ATAD3B: variants seen among roughly 807,000 people sequenced by gnomAD.
ATAD3B encodes ATPase family AAA domain containing 3B.
In ATAD3B, 59 loss-of-function variants were observed where a neutral mutation model predicts 70.2. That is an observed-to-expected ratio of 0.84 (90% CI 0.68 to 1.04). ATAD3B has a LOEUF of 1.04. Among genes scored for constraint, ATAD3B ranks in the 50% least tolerant of loss-of-function variants. ATAD3B has a pLI of 0.00. For synonymous variants in ATAD3B, 423 were observed against 388.6 expected (o/e 1.09, Z -1.04); for missense variants, 961 against 913.4 (o/e 1.05, Z -0.67).
chr1:1,486,367 G>T (rs1290760022), intron 10 of ATAD3B, 132 bp downstream of exon 10: 17 of 1,580,538 alleles, frequency 1.1e-5, no homozygotes, highest in African/African-American at 1.4e-5. Context: ...TAGGCTCAGG[G>T]TGCTGGTGTG....
chr1:1,490,706 AC>A (rs927140788), intron 15 of ATAD3B, 35 bp downstream of exon 15: 1 of 1,546,818 alleles, frequency 6.5e-7, no homozygotes, highest in African/African-American at 1.4e-5. Flanking sequence ...CCCAGACGGG[AC>A]CCCAGCTGCT....
intron 8 of ATAD3B, 138 bp downstream of exon 8, chr1:1,485,309 G>T: frequency 2.1e-6 from 3 of 1,418,872 alleles, no homozygotes; most frequent in African/African-American, 1.4e-5. Flanking sequence ...TTCACGGGTG[G>T]GTTTTCCTGT....
the ATAD3B span, among the ~76,000 whole-genome samples, chr1:1,507,076 C>T: frequency 5.5e-3 from 840 of 152,238 alleles, 5 homozygotes; most frequent in Middle Eastern, 0.01. Context: ...CGTGAGCCAC[C>T]GCCCGCGCCC....
chr1:1,497,771 C>G lies in ATAD3B; in HGVS notation c.*1954C>G, dbSNP rs1640838097. ...ATCCCAGCTACTCGGGAGGCTGAGG[C>G]AGGAGACTCGCTTGGACCTGGGAGG... On this transcript the variant is annotated 3_prime_UTR_variant, in exon 16 of 16. Transcript: ENST00000673477. The G allele has an allele frequency of 6.7e-6, 1 of 149,098 alleles. No individual in the cohort carries two copies. The highest frequency in any genetic ancestry group is 2.0e-4 in the East Asian group (1 of 5,046). The allele number at this position is 149,098 out of a possible 1,614,324, so 9.2% of individuals were successfully genotyped here.
In ATAD3B at chr1:1,490,615, C is replaced by G. The variant is rs765627363; in HGVS notation, c.1558C>G (p.Arg520Gly). Reference protein sequence around the residue: ...DYGRKCSEVARLTEGMSGREI... With the variant: ...DYGRKCSEVAGLTEGMSGREI... ...CGGGAGGAAGTGCTCGGAGGTCGCTCGGCTGACGGAGGGCATGTCGGGCCG... is the reference window on the plus strand; with the variant it reads ...CGGGAGGAAGTGCTCGGAGGTCGCTGGGCTGACGGAGGGCATGTCGGGCCG... The change falls in exon 15 of 16, where the codon CGG (arginine) becomes GGG (glycine). Residue 520 changes from arginine (R) to glycine (G), a missense_variant. By Grantham distance (125) the Arg-to-Gly change is moderately radical. Coordinates refer to ENST00000673477, the MANE Select transcript of ATAD3B (RefSeq NM_031921.6). 1.2e-6 allele frequency: 2 copies of G among 1,608,054 alleles called. No homozygotes were observed. The highest frequency in any genetic ancestry group is 1.7e-6 in the Non-Finnish European group (2 of 1,177,962).
At chr1:1,505,437 A>T in the ATAD3B span, among the ~76,000 whole-genome samples, 1 of 152,226 alleles carries the variant, frequency 6.6e-6, no homozygotes, top group African/African-American at 2.4e-5. Flanking sequence ...GGAGACGGTT[A>T]GGCCTTCGGA....
At chr1:1,478,606 C>T in intron 2 of ATAD3B, 38 bp from the exon 3 acceptor site, 6 of 1,549,586 alleles carry the variant, frequency 3.9e-6, no homozygotes, top group African/African-American at 1.4e-5. Context: ...AGTGCCAGCC[C>T]TGAGCAAGTG....
the ATAD3B span, chr1:1,503,782 A>T: frequency 7.0e-7 from 1 of 1,438,014 alleles, no homozygotes; most frequent in Non-Finnish European, 9.5e-7. Context: ...AGTGGGGTGC[A>T]GGGCCGAGCT....
At position 1,480,861 on chromosome 1, in the gene ATAD3B, TCTC is replaced by T. The variant is rs754731562; in HGVS notation, c.445-5_445-3del. 3 of 1,592,586 alleles carry T rather than the reference TCTC, an allele frequency of 1.9e-6. 1 individual carries two copies. In the African/African-American group the frequency reaches 4.2e-5, roughly 22 times the overall value. ...GCTTTTCTCTTTTTCTGCGGCTTCTTCTCAGCAACTTCTCAATGAGGAGAATTT... is the reference window on the plus strand; with the variant it reads ...GCTTTTCTCTTTTTCTGCGGCTTCTTAGCAACTTCTCAATGAGGAGAATTT... On this transcript the variant is annotated splice_polypyrimidine_tract_variant and splice_region_variant and intron_variant, in intron 4 of 15. Coordinates refer to ENST00000673477, the MANE Select transcript of ATAD3B (RefSeq NM_031921.6).
rs191552533 is a variant in ATAD3B, at chr1:1,477,633, G to T, written c.282+283G>T. Among the ~76,000 whole-genome samples the T allele has an allele frequency of 2.1e-3, 319 of 151,980 alleles. 2 individuals carry two copies. The highest frequency in any genetic ancestry group is 7.2e-3 in the African/African-American group (300 of 41,472). On this transcript the variant is annotated intron_variant, in intron 2 of 15. Coordinates refer to ENST00000673477, the MANE Select transcript of ATAD3B (RefSeq NM_031921.6). ...GCATCTGGTCGTCCTGAGGGAGGGG[G>T]TCTTCTTCACATTCTCACCTCATTT...
intron 2 of ATAD3B, 178 bp from the exon 3 acceptor site, chr1:1,478,466 T>C (rs1342365539): frequency 6.5e-7 from 1 of 1,543,294 alleles, no homozygotes; most frequent in African/African-American, 1.4e-5. Flanking sequence ...TGCCTGTGGG[T>C]CTGGATTCCT....
Position 1,479,299 on chromosome 1 carries a change from C to G in ATAD3B, c.444+191C>G, listed in dbSNP as rs1639769191. On this transcript the variant is annotated intron_variant, in intron 4 of 15. Transcript: ENST00000673477. ...ACAGGCACACATGCAGATGTGTGCA[C>G]ACATGTACACGGAGACACAGGCACC... Among the ~76,000 whole-genome samples, 2 of 147,786 alleles carry G rather than the reference C, an allele frequency of 1.4e-5. 1 individual carries two copies. Among genetic ancestry groups the G allele is most frequent in the South Asian group, 4.3e-4 (2 of 4,608 alleles).
At position 1,478,563 on chromosome 1, in the gene ATAD3B, G is replaced by A. The variant is rs774308351; in HGVS notation, c.283-81G>A. The A allele has an allele frequency of 1.7e-4, 258 of 1,550,458 alleles. 4 individuals carry two copies. The East Asian group carries it at 3.0e-3, about 18-fold the overall frequency. ...CTGGGCACGGAGTCTCTGCCGTGCC[G>A]GAGCTGTGCAGACACAGGAGCGGCT... On this transcript the variant is annotated intron_variant, in intron 2 of 15. Transcript: ENST00000673477.
chr1:1,489,608 G>C, intron 13 of ATAD3B: 1 of 1,268,034 alleles, frequency 7.9e-7, no homozygotes, highest in South Asian at 1.3e-5. Flanking sequence ...GTCCCCAGTA[G>C]GGTGACCGGC....
downstream of ATAD3B, among the ~76,000 whole-genome samples, chr1:1,502,254 G>A (rs866563491): frequency 5.4e-5 from 8 of 148,298 alleles, no homozygotes; most frequent in South Asian, 8.5e-4. Context: ...TCGCTCTGTC[G>A]CCCAGGCTGG....
At chr1:1,495,370 C>T in intron 15 of ATAD3B, 115 bp from the exon 16 acceptor site, 2 of 1,389,554 alleles carry the variant, frequency 1.4e-6, no homozygotes, top group South Asian at 1.4e-5. Context: ...TGTGTTTCAC[C>T]CTGAGGTTGT....
In ATAD3B at chr1:1,490,275, CAGCAATCTGCCTG is replaced by C. The variant is rs1640463551; in HGVS notation, c.1361_1373del (p.Asn454SerfsTer12). The C allele has an allele frequency of 6.2e-7, 1 of 1,612,768 alleles. No homozygotes were observed. Among genetic ancestry groups the C allele is most frequent in the Non-Finnish European group, 8.5e-7 (1 of 1,179,552 alleles). ...CCTACAGATTCATGCTGGTCCTGGC[CAGCAATCTGCCTG>C]AGCAGTTCGACTGTGCCATCAACAG... On this transcript the variant is annotated frameshift_variant, in exon 14 of 16. Transcript: ENST00000673477. LOFTEE classifies it high-confidence loss of function.
chr1:1,495,971 C>A lies in ATAD3B; in HGVS notation c.*154C>A. 1.4e-6 allele frequency: 2 copies of A among 1,385,400 alleles called. No individual in the cohort carries two copies. Among genetic ancestry groups the A allele is most frequent in the Non-Finnish European group, 1.9e-6 (2 of 1,071,972 alleles). 85.8% of individuals were successfully genotyped at this position (1,385,400 alleles called of 1,614,324 possible). On this transcript the variant is annotated 3_prime_UTR_variant, in exon 16 of 16. Coordinates refer to ENST00000673477, the MANE Select transcript of ATAD3B (RefSeq NM_031921.6). ...GTGGGTGCTGGCTGAGCCCCTGGGG[C>A]AGAAGGAGTGGGGCAGGCGGGGTCT... is the stretch of plus-strand genomic sequence containing the variant.
rs767552850 is a variant in ATAD3B, at chr1:1,482,203, C to T, written c.580C>T (p.Arg194Trp). ...NEMLRVETEA[R>W]ARAKAERENA... Reference sequence around the variant, plus strand: ...GATGCTGCGAGTGGAGACCGAGGCCCGGGCGCGCGCCAAGGCCGAGCGGGA... The same window carrying T: ...GATGCTGCGAGTGGAGACCGAGGCCTGGGCGCGCGCCAAGGCCGAGCGGGA... Residue 194 changes from arginine to tryptophan, a missense_variant, in exon 6 of 16, where the codon CGG (arginine) becomes TGG (tryptophan). Physicochemically the swap from Arg to Trp is moderately radical, Grantham distance 101. Around this residue, in one of 4 missense-constraint regions of ATAD3B, gnomAD observed 349 missense variants for 307.5 expected, o/e 1.14. Coordinates refer to ENST00000673477, the MANE Select transcript of ATAD3B (RefSeq NM_031921.6). The T allele has an allele frequency of 1.2e-5, 19 of 1,610,870 alleles. No individual in the cohort carries two copies. In the African/African-American group the frequency reaches 1.5e-4, roughly 12 times the overall value.
Sources: allele counts gnomAD v4.1 joint callset (sites outside exome capture counted in the v4.1 genomes callset), GRCh38; gene constraint gnomAD v4.1.1; regional missense constraint gnomAD v4.1.1; transcripts MANE v1.5; gene names NCBI Gene and HGNC (gene_info 2026-07-23, HGNC 2026-07-21).